The following SP140L variants were observed in gnomAD, a reference collection of about 807,000 sequenced individuals.
SP140L encodes the protein SP140 like nuclear body protein, also known as nuclear body protein SP140-like protein.
SP140L carries 64 observed loss-of-function variants against 84.3 expected under a neutral mutation model. The observed-to-expected ratio is 0.76, with a 90% CI of 0.62 to 0.94. The LOEUF is 0.94. Among genes scored for constraint, SP140L ranks in the 40% least tolerant of loss-of-function variants. The pLI, the probability that SP140L is intolerant of heterozygous loss-of-function variation, is 0.00. For missense variants in SP140L, 628 were observed against 692.5 expected (o/e 0.91, Z 1.05); for synonymous variants, 242 against 236.9 (o/e 1.02, Z -0.20).
intron 2 of SP140L, among the ~76,000 whole-genome samples, chr2:230,329,190 G>A (rs530034905): frequency 6.4e-4 from 97 of 152,220 alleles, no homozygotes; most frequent in African/African-American, 2.2e-3. Flanking sequence ...CTGTGAGCAC[G>A]GCCAGTTTTT....
intron 6 of SP140L, 139 bp downstream of exon 6, chr2:230,371,106 A>C (rs1446566647): frequency 5.9e-6 from 4 of 681,458 alleles, no homozygotes. Context: ...GGAACTGCAG[A>C]GAGGCAAGAG....
At chr2:230,354,859 A>AAG (rs2060478259) in intron 2 of SP140L, among the ~76,000 whole-genome samples, 1 of 117,982 alleles carries the variant, frequency 8.5e-6, no homozygotes, top group Non-Finnish European at 1.8e-5. Flanking sequence ...GAAAGAAAGA[A>AAG]AGAAAGAAAG....
At chr2:230,402,470 T>A (rs1271301589) in intron 18 of SP140L, among the ~76,000 whole-genome samples, 2 of 152,250 alleles carry the variant, frequency 1.3e-5, no homozygotes, top group African/African-American at 4.8e-5. Context: ...TGGTTAATGT[T>A]ACTTAGGGTG....
chr2:230,386,674 T>C (rs145827168), intron 9 of SP140L, among the ~76,000 whole-genome samples: 146 of 152,314 alleles, frequency 9.6e-4, no homozygotes, highest in Non-Finnish European at 1.5e-4. Context: ...GTTTGTTCTG[T>C]ACCAAAACCT....
At chr2:230,389,319 C>T (rs77769513) in intron 10 of SP140L, among the ~76,000 whole-genome samples, 3,359 of 152,174 alleles carry the variant, frequency 0.022, 64 homozygotes, top group South Asian at 0.034. Flanking sequence ...CTGTAGTATC[C>T]GGTTCTCAGT....
At chr2:230,401,340 T>G (rs1340748552) in intron 16 of SP140L, 26 bp from the exon 17 acceptor site, 6 of 1,603,764 alleles carry the variant, frequency 3.7e-6, no homozygotes, top group Non-Finnish European at 5.1e-6. Flanking sequence ...AAGCTGCTTT[T>G]CATTTACGGC....
intron 5 of SP140L, among the ~76,000 whole-genome samples, chr2:230,368,360 G>A (rs776883373): frequency 6.6e-6 from 1 of 152,018 alleles, no homozygotes; most frequent in East Asian, 1.9e-4. Flanking sequence ...TGAAACTCCC[G>A]TATATGTTAT....
chr2:230,332,739 TA>T (rs1226516443), intron 2 of SP140L, among the ~76,000 whole-genome samples: 1 of 152,224 alleles, frequency 6.6e-6, no homozygotes, highest in Admixed American at 6.5e-5. Flanking sequence ...TGCAGAATTC[TA>T]AAATTCTTCT....
chr2:230,387,145 A>G (rs1259208367), intron 9 of SP140L, among the ~76,000 whole-genome samples: 1 of 152,202 alleles, frequency 6.6e-6, no homozygotes, highest in Non-Finnish European at 1.5e-5. Flanking sequence ...GGCAGGCAGC[A>G]AGATGGAGCA....
At chr2:230,328,914 C>T in intron 2 of SP140L, 83 bp downstream of exon 2, 1 of 1,476,666 alleles carries the variant, frequency 6.8e-7, no homozygotes, top group Middle Eastern at 1.9e-4. Context: ...TTCTTGGCCA[C>T]TGAAATTTCC....
In SP140L at chr2:230,357,856, A is replaced by G. The variant is rs1026176180; in HGVS notation, c.159A>G (p.Val53=). ...DVDEGLVYDT[V]FKHFKRHKLE... is the part of the protein sequence containing the mutation. The stretch of plus-strand genomic sequence containing the variant: ...ATGAGGGACTTGTCTATGACACTGT[A>G]TTCAAGCACTTCAAAAGACATAAGC... Residue 53 remains valine, a synonymous_variant, in exon 3 of 19, where the codon GTA becomes GTG. Transcript: ENST00000415673. The G allele has an allele frequency of 6.2e-7, 1 of 1,614,108 alleles. No individual in the cohort carries two copies. The highest frequency in any genetic ancestry group is 1.3e-5 in the African/African-American group (1 of 75,058).
intron 14 of SP140L, among the ~76,000 whole-genome samples, chr2:230,399,478 C>T (rs2062209487): frequency 6.6e-6 from 1 of 152,164 alleles, no homozygotes; most frequent in Admixed American, 6.5e-5. Context: ...ACCTTTGCAC[C>T]TTACAATCCA....
At chr2:230,394,357 A>G (rs926271609) in intron 13 of SP140L, among the ~76,000 whole-genome samples, 1 of 152,236 alleles carries the variant, frequency 6.6e-6, no homozygotes, top group African/African-American at 2.4e-5. Context: ...AGGTAGAAAT[A>G]TGCATTCAAG....
intron 5 of SP140L, among the ~76,000 whole-genome samples, chr2:230,370,012 TTTGC>T (rs2061008864): frequency 4.6e-5 from 7 of 152,148 alleles, no homozygotes; most frequent in African/African-American, 1.7e-4. Flanking sequence ...GACTTAGTGA[TTTGC>T]CCACCTCAGC....
At chr2:230,370,866 C>A (rs1436512446) in intron 5 of SP140L, 42 bp from the exon 6 acceptor site, 1 of 1,596,142 alleles carries the variant, frequency 6.3e-7, no homozygotes, top group Non-Finnish European at 8.6e-7. Flanking sequence ...GAGCGACCAG[C>A]ATGTGAAAAT....
chr2:230,363,386 G>A (rs2060779101), intron 5 of SP140L, among the ~76,000 whole-genome samples: 1 of 151,992 alleles, frequency 6.6e-6, no homozygotes, highest in Admixed American at 6.6e-5. Context: ...AGTCATTGTG[G>A]TTTCAATTTG....
intron 8 of SP140L, among the ~76,000 whole-genome samples, chr2:230,384,467 T>C (rs917991808): frequency 6.6e-6 from 1 of 152,258 alleles, no homozygotes; most frequent in African/African-American, 2.4e-5. Flanking sequence ...TGGATCTGTA[T>C]AGTAAGATTT....
chr2:230,339,474 GT>G (rs1214310952), intron 2 of SP140L, among the ~76,000 whole-genome samples: 6 of 151,430 alleles, frequency 4.0e-5, no homozygotes, highest in African/African-American at 9.7e-5. Context: ...TTTTTGAAGG[GT>G]TTTTTGTGTC....
intron 15 of SP140L, 74 bp downstream of exon 15, chr2:230,400,316 A>G (rs1313197852): frequency 1.4e-6 from 2 of 1,435,498 alleles, no homozygotes; most frequent in Non-Finnish European, 1.9e-6. Context: ...CTCCAGCAGA[A>G]TGTCTGCTTG....
Sources: gnomAD v4.1 joint callset for allele counts (sites outside exome capture counted in the v4.1 genomes callset) on GRCh38, gnomAD v4.1.1 for gene constraint, MANE v1.5 for transcripts, NCBI Gene and HGNC (gene_info 2026-07-23, HGNC 2026-07-21) for gene names.